Variants in PLBD1 observed in about 807,000 individuals in gnomAD.
PLBD1 encodes the protein phospholipase B domain containing 1.
Under a neutral mutation model 63.0 loss-of-function variants are expected in PLBD1, and 60 were observed. The observed-to-expected ratio is 0.95, with a 90% CI of 0.77 to 1.18. PLBD1 has a LOEUF of 1.18. Among genes scored for constraint, PLBD1 ranks in the 50% most tolerant of loss-of-function variants. The pLI is 0.00. For missense variants in PLBD1, 598 were observed against 677.9 expected (o/e 0.88, Z 1.31); for synonymous variants, 262 against 248.0 (o/e 1.06, Z -0.53).
Position 14,506,980 on chromosome 12 carries a change from CCTTGGTCA to C in PLBD1, c.1317_1324del (p.Asp440GlufsTer4). On this transcript the variant is annotated frameshift_variant, in exon 9 of 11. Transcript: ENST00000240617. LOFTEE classifies it high-confidence loss of function. ...CATGGATGCCGTATCAGTCACTTTC[CCTTGGTCA>C]CGCCGGAAAATTTTGGCTCGTGGAG... 6.2e-7 allele frequency: 1 copy of C among 1,614,020 alleles called. No individual in the cohort carries two copies. Among genetic ancestry groups the C allele is most frequent in the Non-Finnish European group, 8.5e-7 (1 of 1,179,982 alleles).
chr12:14,511,144 C>T, intron 8 of PLBD1, 116 bp downstream of exon 8: 1 of 1,060,946 alleles, frequency 9.4e-7, no homozygotes, highest in Non-Finnish European at 1.4e-6. Flanking sequence ...CATCCCCATC[C>T]TGTCTTCCCC....
intron 6 of PLBD1, among the ~76,000 whole-genome samples, chr12:14,513,709 C>A (rs1404579859): frequency 2.6e-5 from 4 of 151,948 alleles, no homozygotes; most frequent in African/African-American, 9.7e-5. Context: ...CTCTAACAAT[C>A]TGATTTTAAT....
intron 6 of PLBD1, among the ~76,000 whole-genome samples, chr12:14,529,645 A>T (rs1945443935): frequency 6.6e-6 from 1 of 152,240 alleles, no homozygotes; most frequent in African/African-American, 2.4e-5. Context: ...AAGGGCATCT[A>T]CAAAAAATCT....
intron 1 of PLBD1, 63 bp from the exon 2 acceptor site, chr12:14,553,475 T>C: frequency 7.9e-7 from 1 of 1,265,482 alleles, no homozygotes; most frequent in Non-Finnish European, 1.1e-6. Flanking sequence ...ATTTTTTTCC[T>C]ATGTATCCAA....
chr12:14,511,355 T>C lies in PLBD1; in HGVS notation c.1091A>G (p.Lys364Arg). The C allele has an allele frequency of 6.2e-7, 1 of 1,613,742 alleles. No individual in the cohort carries two copies. Among genetic ancestry groups the C allele is most frequent in the South Asian group, 1.1e-5 (1 of 91,006 alleles). Residue 364 changes from lysine (K) to arginine (R), a missense_variant, in exon 8 of 11, where the codon AAG (lysine) becomes AGG (arginine). Coordinates refer to ENST00000240617, the MANE Select transcript of PLBD1 (RefSeq NM_024829.6). ...GCCTTTGTCAAGACTGTGGTTCAGC[T>C]TTACTTTCTTCAGGTCCAGAACCAT... ...QYMVLDLKKV[K>R]LNHSLDKGTL... is the part of the protein sequence containing the mutation.
chr12:14,516,191 C>T (rs562166347), intron 6 of PLBD1, among the ~76,000 whole-genome samples: 7 of 152,016 alleles, frequency 4.6e-5, no homozygotes, highest in East Asian at 1.9e-4. Flanking sequence ...TAGCTGGGCA[C>T]GGTGGCGCGC....
At chr12:14,517,437 C>T (rs1945345366) in intron 6 of PLBD1, among the ~76,000 whole-genome samples, 1 of 152,054 alleles carries the variant, frequency 6.6e-6, no homozygotes, top group Admixed American at 6.6e-5. Context: ...TGTGAGCCAC[C>T]ACACCCAGCC....
chr12:14,514,345 G>C (rs1173936478), intron 6 of PLBD1, among the ~76,000 whole-genome samples: 3 of 152,174 alleles, frequency 2.0e-5, no homozygotes, highest in Non-Finnish European at 4.4e-5. Context: ...AAGCTCCCTG[G>C]TAGATAATCC....
chr12:14,540,951 A>C (rs750279225), intron 3 of PLBD1, 49 bp from the exon 4 acceptor site: 1 of 1,514,544 alleles, frequency 6.6e-7, no homozygotes, highest in Non-Finnish European at 9.0e-7. Flanking sequence ...TTGCTCATTC[A>C]AAGCTAAATC....
intron 2 of PLBD1, among the ~76,000 whole-genome samples, chr12:14,551,234 G>A (rs927841027): frequency 4.0e-5 from 6 of 151,348 alleles, no homozygotes; most frequent in Non-Finnish European, 5.9e-5. Context: ...ATGGTGGCGC[G>A]TACCTGTAGT....
intron 1 of PLBD1, among the ~76,000 whole-genome samples, chr12:14,554,972 A>G (rs1446898380): frequency 6.6e-6 from 1 of 152,066 alleles, no homozygotes; most frequent in East Asian, 1.9e-4. Flanking sequence ...CCAGCCTGAA[A>G]TTTGAATCCA....
rs1190729709 is a variant in PLBD1, at chr12:14,540,798, C to T, written c.524G>A (p.Gly175Glu). ...TTCTAATATAGCCCTCTTCTTTGCT[C>T]CTACATAGAGGCCATCTATTTGTGC... is the stretch of plus-strand genomic sequence containing the variant. ...VMAQIDGLYV[G>E]AKKRAILEGT... Residue 175 changes from glycine (G) to glutamate (E), a missense_variant, in exon 4 of 11, where the codon GGA (glycine) becomes GAA (glutamate). Coordinates refer to ENST00000240617, the MANE Select transcript of PLBD1 (RefSeq NM_024829.6). 1.9e-6 allele frequency: 3 copies of T among 1,609,084 alleles called. No homozygotes were observed. The highest frequency in any genetic ancestry group is 3.3e-5 in the Admixed American group (2 of 59,944).
At chr12:14,511,787 T>C in intron 6 of PLBD1, 76 bp from the exon 7 acceptor site, 2 of 1,383,004 alleles carry the variant, frequency 1.4e-6, no homozygotes, top group Non-Finnish European at 2.0e-6. Flanking sequence ...CAAAGAGCTT[T>C]ACATACACAA....
intron 6 of PLBD1, among the ~76,000 whole-genome samples, chr12:14,520,974 A>G (rs1945370185): frequency 6.6e-6 from 1 of 152,186 alleles, no homozygotes; most frequent in Non-Finnish European, 1.5e-5. Context: ...GTACAGCACT[A>G]TCTTGAGACC....
At chr12:14,524,427 C>A (rs1945401474) in intron 6 of PLBD1, among the ~76,000 whole-genome samples, 2 of 152,020 alleles carry the variant, frequency 1.3e-5, no homozygotes, top group Admixed American at 6.6e-5. Flanking sequence ...TAAATATGTA[C>A]AATTATATGT....
chr12:14,528,825 AC>A (rs1171919742), intron 6 of PLBD1, among the ~76,000 whole-genome samples: 3 of 152,306 alleles, frequency 2.0e-5, no homozygotes, highest in Non-Finnish European at 4.4e-5. Context: ...GTTAAGAAAA[AC>A]ATTATAAATA....
chr12:14,513,143 TTA>T (rs1945311280), intron 6 of PLBD1, among the ~76,000 whole-genome samples: 1 of 152,144 alleles, frequency 6.6e-6, no homozygotes, highest in African/African-American at 2.4e-5. Flanking sequence ...CAAGTAAAAA[TTA>T]TATATATTTA....
intron 4 of PLBD1, among the ~76,000 whole-genome samples, chr12:14,537,060 G>GCC (rs908837323): frequency 7.0e-6 from 1 of 143,460 alleles, no homozygotes; most frequent in African/African-American, 2.6e-5. Context: ...CAGCACTCCA[G>GCC]CCTGGGCAAC....
intron 6 of PLBD1, among the ~76,000 whole-genome samples, chr12:14,533,854 C>G (rs1027541390): frequency 6.6e-6 from 1 of 152,198 alleles, no homozygotes; most frequent in Non-Finnish European, 1.5e-5. Flanking sequence ...GGTCAGAATT[C>G]CTGATAGGGG....
Sources: allele counts gnomAD v4.1 joint callset (sites outside exome capture counted in the v4.1 genomes callset), GRCh38; gene constraint gnomAD v4.1.1; transcripts MANE v1.5; gene names NCBI Gene and HGNC (gene_info 2026-07-23, HGNC 2026-07-21).